The following C1orf105 variants were observed in gnomAD, a reference collection of about 807,000 sequenced individuals.
C1orf105 encodes the protein chromosome 1 open reading frame 105.
C1orf105 carries 17 observed loss-of-function variants against 20.8 expected under a neutral mutation model. The ratio of observed to expected loss-of-function variants is 0.82; its 90% CI spans 0.56 to 1.23. The LOEUF is 1.23. Among genes scored for constraint, C1orf105 ranks in the 50% most tolerant of loss-of-function variants. The pLI is 0.00. For synonymous variants in C1orf105, 72 were observed against 72.1 expected (o/e 1.00, Z 0.01); for missense variants, 219 against 213.5 (o/e 1.03, Z -0.16).
intron 4 of C1orf105, among the ~76,000 whole-genome samples, chr1:172,460,085 T>C (rs1014101778): frequency 3.1e-4 from 47 of 152,150 alleles, no homozygotes; most frequent in African/African-American, 1.1e-3. Context: ...ATGTGGTTTC[T>C]TTTTGGGGTC....
chr1:172,424,954 A>G (rs1319894355), intron 1 of C1orf105, among the ~76,000 whole-genome samples: 1 of 152,234 alleles, frequency 6.6e-6, no homozygotes, highest in Non-Finnish European at 1.5e-5. Context: ...AGTGGCAAGC[A>G]GTGAGCCAAC....
chr1:172,457,204 C>A (rs959981651), intron 4 of C1orf105, among the ~76,000 whole-genome samples: 3 of 152,042 alleles, frequency 2.0e-5, no homozygotes, highest in Non-Finnish European at 4.4e-5. Flanking sequence ...TGGTTGTTAG[C>A]GTCAGGGTAA....
At chr1:172,452,828 C>T (rs1394770579) in intron 3 of C1orf105, 2 of 1,404,758 alleles carry the variant, frequency 1.4e-6, no homozygotes, top group South Asian at 1.6e-5. Context: ...AAATGAGGGC[C>T]CCATTAACAT....
intron 1 of C1orf105, among the ~76,000 whole-genome samples, chr1:172,436,266 A>C (rs1170792317): frequency 1.3e-5 from 2 of 152,242 alleles, no homozygotes; most frequent in Admixed American, 1.3e-4. Flanking sequence ...GAACCAAAAA[A>C]AGAGCATGCA....
At chr1:172,438,546 T>C (rs1264831659) in intron 1 of C1orf105, among the ~76,000 whole-genome samples, 1 of 152,222 alleles carries the variant, frequency 6.6e-6, no homozygotes, top group Non-Finnish European at 1.5e-5. Context: ...AATTGATTAC[T>C]ATGAGTAGCA....
intron 4 of C1orf105, among the ~76,000 whole-genome samples, chr1:172,461,837 C>T (rs1175413160): frequency 6.6e-6 from 1 of 152,028 alleles, no homozygotes; most frequent in Non-Finnish European, 1.5e-5. Flanking sequence ...GAACATAGAG[C>T]GGAGGACTAC....
intron 1 of C1orf105, among the ~76,000 whole-genome samples, chr1:172,421,851 A>C (rs1019408413): frequency 8.6e-5 from 13 of 151,274 alleles, no homozygotes; most frequent in Admixed American, 3.3e-4. Context: ...ACTTGGAGGG[A>C]GGGCACAGCG....
chr1:172,458,744 TC>T (rs1649490114), intron 4 of C1orf105, among the ~76,000 whole-genome samples: 2 of 152,138 alleles, frequency 1.3e-5, no homozygotes, highest in Non-Finnish European at 2.9e-5. Context: ...AGCCAAACAA[TC>T]TTTAAAAAGA....
At chr1:172,429,769 G>A (rs2071819166) in intron 1 of C1orf105, among the ~76,000 whole-genome samples, 1 of 151,336 alleles carries the variant, frequency 6.6e-6, no homozygotes, top group East Asian at 1.9e-4. Context: ...ACAGCCAGAT[G>A]CACAAGCCTT....
chr1:172,432,887 G>T (rs1452417117), intron 1 of C1orf105, among the ~76,000 whole-genome samples: 1 of 152,162 alleles, frequency 6.6e-6, no homozygotes, highest in Non-Finnish European at 1.5e-5. Flanking sequence ...ACAGATGAAT[G>T]GCTAACTAGA....
At chr1:172,462,484 A>G (rs1649768578) in intron 5 of C1orf105, among the ~76,000 whole-genome samples, 1 of 152,222 alleles carries the variant, frequency 6.6e-6, no homozygotes, top group South Asian at 2.1e-4. Flanking sequence ...CCACCTTCAC[A>G]AGAACAATAT....
chr1:172,425,031 T>C (rs919989128), intron 1 of C1orf105, among the ~76,000 whole-genome samples: 1 of 152,188 alleles, frequency 6.6e-6, no homozygotes, highest in Non-Finnish European at 1.5e-5. Context: ...GACCTCAGCA[T>C]TGGTAAAATC....
At position 172,468,470 on chromosome 1, in the gene C1orf105, C is replaced by T. The variant is rs1195103552; in HGVS notation, c.428C>T (p.Pro143Leu). Residue 143 changes from proline to leucine, a missense_variant, in exon 7 of 7, where the codon CCC (proline) becomes CTC (leucine). Coordinates refer to ENST00000367727, the MANE Select transcript of C1orf105 (RefSeq NM_139240.4). Reference sequence around the variant, plus strand: ...CCAGAAAGCATTCACTACAGACTGCCCATTCTGGGCCCCAGGACAGCTGTC... The same window carrying T: ...CCAGAAAGCATTCACTACAGACTGCTCATTCTGGGCCCCAGGACAGCTGTC... ...IPTESIHYRL[P>L]ILGPRTAVFH... 1 of 1,613,490 alleles carries T rather than the reference C, an allele frequency of 6.2e-7. No homozygotes were observed. Among genetic ancestry groups the T allele is most frequent in the Non-Finnish European group, 8.5e-7 (1 of 1,179,528 alleles).
At chr1:172,438,126 G>GAAA (rs59822239) in intron 1 of C1orf105, among the ~76,000 whole-genome samples, 1 of 148,570 alleles carries the variant, frequency 6.7e-6, no homozygotes, top group African/African-American at 2.4e-5. Context: ...CTACTGCTCA[G>GAAA]AAAAAAAAAA....
rs867198974 is a variant in C1orf105 at position 172,465,721 on chromosome 1, T to C, written c.406+358T>C. 7.5e-5 allele frequency: 35 copies of C among 467,986 alleles called. No individual in the cohort carries two copies. The Middle Eastern group carries it at 8.9e-3, about 120-fold the overall frequency. 29.0% of individuals were successfully genotyped at this position (467,986 alleles called of 1,614,324 possible). ...CAATCAAAATGGGAAGGGAACTGCA[T>C]CTCTATACCCTCAGAGCGGCCTCAC... On this transcript the variant is annotated intron_variant, in intron 6 of 6. Transcript: ENST00000367727.
intron 1 of C1orf105, among the ~76,000 whole-genome samples, chr1:172,440,169 AAT>A (rs1286667692): frequency 6.6e-6 from 1 of 152,250 alleles, no homozygotes; most frequent in East Asian, 1.9e-4. Flanking sequence ...TATATTTTGG[AAT>A]ATGACTCCCT....
Position 172,456,486 on chromosome 1 carries a change from A to T in C1orf105, c.270A>T (p.Lys90Asn). The T allele has an allele frequency of 6.2e-7, 1 of 1,613,034 alleles. No homozygotes were observed. The highest frequency in any genetic ancestry group is 8.5e-7 in the Non-Finnish European group (1 of 1,179,888). Reference protein sequence around the residue: ...QQLCSTCQEMKMVQPRTMKIP... With the variant: ...QQLCSTCQEMNMVQPRTMKIP... ...TGTGCTCCACATGTCAAGAAATGAA[A>T]ATGGTAGGCAAGGGGGAAGACAGAA... Residue 90 changes from lysine to asparagine, a missense_variant, in exon 4 of 7, where the codon AAA becomes AAT. Physicochemically the swap from Lys to Asn is moderately conservative, Grantham distance 94 (BLOSUM62 0). Transcript: ENST00000367727.
chr1:172,439,533 A>G (rs1051722395), intron 1 of C1orf105, among the ~76,000 whole-genome samples: 2 of 152,142 alleles, frequency 1.3e-5, no homozygotes, highest in African/African-American at 4.8e-5. Flanking sequence ...CCACCTTCAC[A>G]ATGAATTTCT....
At chr1:172,430,318 CAA>C (rs938767027) in intron 1 of C1orf105, 5 of 702,036 alleles carry the variant, frequency 7.1e-6, no homozygotes, top group East Asian at 5.4e-5. Context: ...CAGCAGCCCA[CAA>C]AGAGGCATGC....
Sources: allele counts gnomAD v4.1 joint callset (sites outside exome capture counted in the v4.1 genomes callset), GRCh38; gene constraint gnomAD v4.1.1; transcripts MANE v1.5; gene names NCBI Gene and HGNC (gene_info 2026-07-23, HGNC 2026-07-21).